CTNNA3: variants seen among roughly 807,000 people sequenced by gnomAD.
CTNNA3 encodes catenin alpha 3, also known as catenin alpha-3.
CTNNA3 carries 76 observed loss-of-function variants against 95.7 expected under a neutral mutation model. That is an observed-to-expected ratio of 0.79 (90% confidence interval 0.66 to 0.96). The LOEUF is 0.96. Ranked by LOEUF, CTNNA3 falls within the 40% of genes least tolerant of loss-of-function variation. The pLI is 0.00. For synonymous variants in CTNNA3, 431 were observed against 374.4 expected (o/e 1.15, Z -1.74); for missense variants, 1,191 against 1,089.8 (o/e 1.09, Z -1.31).
intron 13 of CTNNA3, among the ~76,000 whole-genome samples, chr10:66,181,978 A>G (rs934252848): frequency 4.6e-5 from 7 of 152,192 alleles, no homozygotes; most frequent in African/African-American, 1.7e-4. Flanking sequence ...CAAACTGGAA[A>G]TATAGATAAT....
Position 65,920,609 on chromosome 10 carries a change from A to G in CTNNA3, c.2409T>C (p.Ser803=), listed in dbSNP as rs2077069200. The change falls in exon 18 of 18, where the codon AGT becomes AGC. Residue 803 remains serine, a synonymous_variant. Transcript: ENST00000433211. ...GGELIMSALD[S]VTSLIQAAKN... is the part of the protein sequence containing the mutation. ...TGGCTGCTTGGATCAGGGATGTGAC[A>G]CTGTCCAACTGTAGGGAAAAAAGAG... 1.9e-6 allele frequency: 3 copies of G among 1,606,386 alleles called. No homozygotes were observed. The highest frequency in any genetic ancestry group is 2.6e-6 in the Non-Finnish European group (3 of 1,174,962).
At chr10:66,845,922 G>C (rs1411755326) in intron 7 of CTNNA3, among the ~76,000 whole-genome samples, 4 of 151,940 alleles carry the variant, frequency 2.6e-5, no homozygotes, top group Non-Finnish European at 5.9e-5. Flanking sequence ...CTTGAGCTCA[G>C]AAGTTTGTGA....
At chr10:67,576,480 G>C (rs1199387730) in intron 3 of CTNNA3, among the ~76,000 whole-genome samples, 1 of 151,812 alleles carries the variant, frequency 6.6e-6, no homozygotes, top group African/African-American at 2.4e-5. Context: ...TCCATGAGTG[G>C]TACACGGTAA....
chr10:67,495,383 C>A (rs1175062801), intron 5 of CTNNA3, among the ~76,000 whole-genome samples: 1 of 152,170 alleles, frequency 6.6e-6, no homozygotes, highest in Non-Finnish European at 1.5e-5. Context: ...CAGAAACATT[C>A]TCTCCGTTTC....
Position 67,432,553 on chromosome 10 carries a change from G to A in CTNNA3, c.579+89289C>T, listed in dbSNP as rs138141101. On this transcript the variant is annotated intron_variant, in intron 5 of 17. Coordinates refer to ENST00000433211, the MANE Select transcript of CTNNA3 (RefSeq NM_013266.4). ...CCCTGGCCTGTGGTGCTATCACTCC[G>A]GTCTTTGCTTCTGTCTTCACATCAC... Among the ~76,000 whole-genome samples the A allele has an allele frequency of 8.6e-4, 131 of 151,960 alleles. No individual in the cohort carries two copies. The East Asian group carries it at 9.5e-3, about 11-fold the overall frequency.
At chr10:66,804,341 C>T (rs1841553026) in intron 7 of CTNNA3, among the ~76,000 whole-genome samples, 1 of 151,816 alleles carries the variant, frequency 6.6e-6, no homozygotes, top group South Asian at 2.1e-4. Context: ...TCCAGCTGCC[C>T]CAGTGCCTCA....
At chr10:66,379,094 G>A (rs1244114916) in intron 12 of CTNNA3, 58 bp downstream of exon 12, 25 of 1,358,072 alleles carry the variant, frequency 1.8e-5, no homozygotes, top group Non-Finnish European at 2.3e-5. Context: ...ATGAATATTC[G>A]TAGCTATGTA....
At chr10:67,244,626 A>G (rs1365706039) in intron 5 of CTNNA3, among the ~76,000 whole-genome samples, 2 of 152,236 alleles carry the variant, frequency 1.3e-5, no homozygotes, top group African/African-American at 4.8e-5. Flanking sequence ...TTAGATAATG[A>G]TATGCTAAAA....
At chr10:67,291,298 T>C (rs1273315474) in intron 5 of CTNNA3, among the ~76,000 whole-genome samples, 4 of 152,052 alleles carry the variant, frequency 2.6e-5, no homozygotes, top group African/African-American at 9.7e-5. Context: ...GTGACACAGC[T>C]GGTGTTAACA....
In CTNNA3 at chr10:67,237,122, G is replaced by GTATATATATATATATA. The variant is rs769498914; in HGVS notation, c.580-17253_580-17252insTATATATATATATATA. On this transcript the variant is annotated intron_variant, in intron 5 of 17. Transcript: ENST00000433211. The stretch of plus-strand genomic sequence containing the variant: ...AATGAGTGGATAAAGAAACTATGGT[G>GTATATATATATATATA]TATGTATATATATATATATATATAT... 5.0e-5 allele frequency among the ~76,000 whole-genome samples: 4 copies of GTATATATATATATATA among 79,632 alleles called. 1 individual carries two copies. The highest frequency in any genetic ancestry group is 1.1e-4 in the Non-Finnish European group (4 of 34,816). 52.2% of individuals were successfully genotyped at this position (79,632 alleles called of 152,430 possible).
chr10:67,026,280 A>C (rs1312480002), intron 7 of CTNNA3, among the ~76,000 whole-genome samples: 1 of 152,094 alleles, frequency 6.6e-6, no homozygotes, highest in East Asian at 1.9e-4. Flanking sequence ...AAAAAAAGAG[A>C]GAAAAAAATA....
At chr10:67,521,092 T>C (rs1257587313) in intron 5 of CTNNA3, among the ~76,000 whole-genome samples, 8 of 152,198 alleles carry the variant, frequency 5.3e-5, no homozygotes, top group Admixed American at 4.6e-4. Context: ...AATAAACCTT[T>C]GGTGGAAGTA....
intron 9 of CTNNA3, among the ~76,000 whole-genome samples, chr10:66,668,669 G>A (rs1037212598): frequency 5.9e-5 from 9 of 151,884 alleles, no homozygotes; most frequent in South Asian, 2.1e-4. Context: ...AAAATTAACC[G>A]GGTGTGGTGG....
At chr10:66,629,535 C>T (rs188885561) in intron 9 of CTNNA3, among the ~76,000 whole-genome samples, 1 of 152,114 alleles carries the variant, frequency 6.6e-6, no homozygotes, top group African/African-American at 2.4e-5. Context: ...ATTCTTGTTT[C>T]CAGTTTTAGC....
intron 13 of CTNNA3, among the ~76,000 whole-genome samples, chr10:66,134,585 A>G (rs2083265142): frequency 6.6e-6 from 1 of 152,110 alleles, no homozygotes; most frequent in Non-Finnish European, 1.5e-5. Context: ...TGTATGAAAG[A>G]AGGAAATTTA....
chr10:66,192,015 A>G (rs953801934), intron 13 of CTNNA3, among the ~76,000 whole-genome samples: 1 of 152,174 alleles, frequency 6.6e-6, no homozygotes, highest in Non-Finnish European at 1.5e-5. Flanking sequence ...GAGATGACAC[A>G]TCAAAAAGGC....
intron 5 of CTNNA3, among the ~76,000 whole-genome samples, chr10:67,512,356 T>G (rs140820003): frequency 0.014 from 2,111 of 152,280 alleles, 24 homozygotes; most frequent in South Asian, 0.035. Flanking sequence ...AAAATAGAAC[T>G]ATTATATGAT....
chr10:66,785,106 G>A (rs1037429974), intron 7 of CTNNA3, among the ~76,000 whole-genome samples: 1 of 152,148 alleles, frequency 6.6e-6, no homozygotes, highest in African/African-American at 2.4e-5. Context: ...TTTTGTCCAA[G>A]GCTATTGCCT....
intron 13 of CTNNA3, among the ~76,000 whole-genome samples, chr10:66,174,710 AGT>A (rs2085617193): frequency 6.6e-6 from 1 of 152,008 alleles, no homozygotes; most frequent in African/African-American, 2.4e-5. Context: ...GTGGGACTTG[AGT>A]GTGCATAGAT....
Sources: gnomAD v4.1 joint callset for allele counts (sites outside exome capture counted in the v4.1 genomes callset) on GRCh38, gnomAD v4.1.1 for gene constraint, MANE v1.5 for transcripts, NCBI Gene and HGNC (gene_info 2026-07-23, HGNC 2026-07-21) for gene names.